The following KLHL1 variants were observed in gnomAD, a reference collection of about 807,000 sequenced individuals.
KLHL1 encodes the protein kelch like family member 1.
In KLHL1, 47 loss-of-function variants were observed where a neutral mutation model predicts 77.7. The ratio of observed to expected loss-of-function variants is 0.60; its 90% CI spans 0.48 to 0.77. KLHL1 has a LOEUF of 0.77. Among genes scored for constraint, KLHL1 ranks in the 30% least tolerant of loss-of-function variants. The probability of loss-of-function intolerance (pLI) is 0.00; values close to 1 mark genes in which losing one functional copy is unlikely to be tolerated. For missense variants in KLHL1, 925 were observed against 910.8 expected (o/e 1.02, Z -0.20); for synonymous variants, 360 against 325.2 (o/e 1.11, Z -1.15).
intron 8 of KLHL1, among the ~76,000 whole-genome samples, chr13:69,719,834 T>G (rs1206496915): frequency 6.6e-6 from 1 of 151,700 alleles, no homozygotes; most frequent in Non-Finnish European, 1.5e-5. Flanking sequence ...TCTAGAAACT[T>G]GGATAGATTT....
At chr13:70,066,967 A>C (rs1466277576) in intron 1 of KLHL1, among the ~76,000 whole-genome samples, 1 of 152,184 alleles carries the variant, frequency 6.6e-6, no homozygotes, top group East Asian at 1.9e-4. Context: ...ATAAGTCTTT[A>C]GTGTTTTAAG....
chr13:69,820,584 A>G (rs1304915092), intron 6 of KLHL1, among the ~76,000 whole-genome samples: 1 of 152,248 alleles, frequency 6.6e-6, no homozygotes, highest in African/African-American at 2.4e-5. Flanking sequence ...TGATAATACT[A>G]GAAGTGAAAT....
At chr13:70,069,898 G>A (rs1887099903) in intron 1 of KLHL1, among the ~76,000 whole-genome samples, 1 of 152,068 alleles carries the variant, frequency 6.6e-6, no homozygotes, top group Admixed American at 6.6e-5. Flanking sequence ...GCCGGGCACG[G>A]TGGCTCATGC....
At chr13:69,826,858 G>A (rs983225667) in intron 6 of KLHL1, among the ~76,000 whole-genome samples, 3 of 151,392 alleles carry the variant, frequency 2.0e-5, no homozygotes, top group Non-Finnish European at 4.4e-5. Flanking sequence ...GATACTTATA[G>A]TAAGATTTTT....
intron 9 of KLHL1, among the ~76,000 whole-genome samples, chr13:69,711,155 GT>G (rs1875859213): frequency 6.6e-6 from 1 of 151,982 alleles, no homozygotes; most frequent in Non-Finnish European, 1.5e-5. Flanking sequence ...GAGGAAAATT[GT>G]TTTAAATATA....
rs750512097 is a variant in KLHL1 at position 69,882,505 on chromosome 13, GA to G, written c.1015-11del. ...CTTCCATTATGTTTTCCTGCAGGGA[GA>G]AAATATCTTGGCATAAATTCTGTTT... On this transcript the variant is annotated splice_polypyrimidine_tract_variant and intron_variant, in intron 4 of 10. Transcript: ENST00000377844. 2.5e-6 allele frequency: 4 copies of G among 1,587,542 alleles called. No individual in the cohort carries two copies. The African/African-American group carries it at 5.4e-5, about 21-fold the overall frequency.
chr13:69,907,331 C>T (rs1215807448), intron 4 of KLHL1, among the ~76,000 whole-genome samples: 2 of 151,996 alleles, frequency 1.3e-5, no homozygotes, highest in Non-Finnish European at 2.9e-5. Flanking sequence ...CTGACATTGA[C>T]ACTGCAAGTG....
rs906094760 is a variant in KLHL1, at chr13:69,951,833, A to T, written c.817+9475T>A. ...CTTTCTTGAAATCTTCACATCTCAT[A>T]ATCCATATTTAAAATCAATATTTCT... On this transcript the variant is annotated intron_variant, in intron 3 of 10. Coordinates refer to ENST00000377844, the MANE Select transcript of KLHL1 (RefSeq NM_020866.3). Among the ~76,000 whole-genome samples, 4 of 151,534 alleles carry T rather than the reference A, an allele frequency of 2.6e-5. No homozygotes were observed. In the East Asian group the frequency reaches 7.7e-4, roughly 29 times the overall value.
intron 4 of KLHL1, among the ~76,000 whole-genome samples, chr13:69,890,578 T>A (rs539459430): frequency 5.3e-5 from 8 of 152,058 alleles, no homozygotes; most frequent in African/African-American, 1.9e-4. Flanking sequence ...CAAGGGCAAA[T>A]CAATTACTAT....
At chr13:69,920,739 G>T (rs73212542) in intron 4 of KLHL1, among the ~76,000 whole-genome samples, 8 of 152,164 alleles carry the variant, frequency 5.3e-5, no homozygotes, top group Non-Finnish European at 1.2e-4. Flanking sequence ...CTCGTTCAAA[G>T]AAGTTTTCCA....
intron 3 of KLHL1, 49 bp from the exon 4 acceptor site, chr13:69,940,285 A>C (rs1300291826): frequency 1.4e-6 from 2 of 1,404,192 alleles, no homozygotes; most frequent in Non-Finnish European, 1.9e-6. Context: ...AACATGAAAT[A>C]ATATGTATCA....
intron 7 of KLHL1, among the ~76,000 whole-genome samples, chr13:69,779,996 G>T: frequency 6.6e-6 from 1 of 151,696 alleles, no homozygotes; most frequent in Non-Finnish European, 1.5e-5. Context: ...TAGAGACAGG[G>T]TTTCACCATG....
At chr13:70,045,655 G>A (rs1365073944) in intron 1 of KLHL1, among the ~76,000 whole-genome samples, 1 of 152,102 alleles carries the variant, frequency 6.6e-6, no homozygotes, top group Non-Finnish European at 1.5e-5. Flanking sequence ...GTATCTGAAA[G>A]CTTGCTGGCT....
intron 1 of KLHL1, among the ~76,000 whole-genome samples, chr13:70,063,597 T>C (rs1886942074): frequency 6.6e-6 from 1 of 152,052 alleles, no homozygotes; most frequent in Non-Finnish European, 1.5e-5. Flanking sequence ...AACTTCAATA[T>C]AAGTAAAATA....
intron 7 of KLHL1, among the ~76,000 whole-genome samples, chr13:69,780,702 G>GTATATATATATATA (rs1491418114): frequency 4.2e-5 from 2 of 47,202 alleles, no homozygotes; most frequent in Admixed American, 2.3e-4. Flanking sequence ...ATATATATAT[G>GTATATATATATATA]TATATATATA....
chr13:69,888,519 A>C (rs1881300939), intron 4 of KLHL1, among the ~76,000 whole-genome samples: 1 of 152,152 alleles, frequency 6.6e-6, no homozygotes, highest in African/African-American at 2.4e-5. Flanking sequence ...AAGAAATGAG[A>C]GACACAAAGG....
At chr13:70,087,925 G>A (rs1051281799) in intron 1 of KLHL1, among the ~76,000 whole-genome samples, 1 of 152,068 alleles carries the variant, frequency 6.6e-6, no homozygotes, top group African/African-American at 2.4e-5. Flanking sequence ...TGGGGTTGGG[G>A]GCATAGGGAA....
chr13:69,917,950 C>T (rs1882502043), intron 4 of KLHL1, among the ~76,000 whole-genome samples: 1 of 152,094 alleles, frequency 6.6e-6, no homozygotes, highest in African/African-American at 2.4e-5. Context: ...GTCTACATAT[C>T]TGTATTCATA....
intron 1 of KLHL1, among the ~76,000 whole-genome samples, chr13:70,003,050 A>T (rs1336971767): frequency 6.6e-6 from 1 of 151,730 alleles, no homozygotes; most frequent in East Asian, 1.9e-4. Context: ...AAAATTAACA[A>T]TTAAAAGACT....
Sources: gnomAD v4.1 joint callset for allele counts (sites outside exome capture counted in the v4.1 genomes callset) on GRCh38, gnomAD v4.1.1 for gene constraint, MANE v1.5 for transcripts, NCBI Gene and HGNC (gene_info 2026-07-23, HGNC 2026-07-21) for gene names.